Variants in IL1RAPL2 observed in about 807,000 individuals in gnomAD.
IL1RAPL2 encodes X-linked interleukin-1 receptor accessory protein-like 2.
A neutral mutation model predicts 44.1 loss-of-function variants in IL1RAPL2; 3 were observed. The observed-to-expected ratio is 0.07, with a 90% CI of 0.03 to 0.18. IL1RAPL2 has a LOEUF of 0.18. Ranked by LOEUF, IL1RAPL2 falls within the 10% of genes least tolerant of loss-of-function variation. The pLI is 1.00. For synonymous variants in IL1RAPL2, 181 were observed against 178.8 expected (o/e 1.01, Z -0.10); for missense variants, 391 against 496.4 (o/e 0.79, Z 2.02).
chrX:104,935,974 T>TG (rs1389378710), intron 2 of IL1RAPL2, among the ~76,000 whole-genome samples: 12 of 112,148 alleles, frequency 1.1e-4, no homozygotes. Context: ...TTGCTCTTAC[T>TG]GGGGCAACGT....
chrX:104,832,985 GAA>G lies in IL1RAPL2; in HGVS notation c.82+173991_82+173992del, dbSNP rs199840191. 8.2e-3 allele frequency among the ~76,000 whole-genome samples: 917 copies of G among 111,749 alleles called. 11 individuals carry two copies. Among genetic ancestry groups the G allele is most frequent in the African/African-American group, 0.028 (858 of 30,780 alleles). On this transcript the variant is annotated intron_variant, in intron 2 of 10. Coordinates refer to ENST00000372582, the MANE Select transcript of IL1RAPL2 (RefSeq NM_017416.2). ...TTAATATATAAAATGAAAATTATAA[GAA>G]TGATAATTTGTGTAGAAAATATACA...
At chrX:105,011,229 G>C (rs1316249927) in intron 2 of IL1RAPL2, among the ~76,000 whole-genome samples, 1 of 110,102 alleles carries the variant, frequency 9.1e-6, no homozygotes, top group African/African-American at 3.4e-5. Flanking sequence ...TGTATTAAAT[G>C]TTAATAAATG....
At chrX:105,433,560 A>G (rs927125837) in intron 5 of IL1RAPL2, among the ~76,000 whole-genome samples, 1 of 111,499 alleles carries the variant, frequency 9.0e-6, no homozygotes, top group Non-Finnish European at 1.9e-5. Context: ...TTGACTTGCA[A>G]CTACCCTATT....
At chrX:105,713,250 C>A (rs2147550163) in intron 6 of IL1RAPL2, among the ~76,000 whole-genome samples, 1 of 111,587 alleles carries the variant, frequency 9.0e-6, no homozygotes, top group African/African-American at 3.3e-5. Context: ...GGGCTCTGAC[C>A]CCACATTTCC....
At chrX:104,739,775 A>C (rs1413926077) in intron 2 of IL1RAPL2, among the ~76,000 whole-genome samples, 2 of 112,050 alleles carry the variant, frequency 1.8e-5, no homozygotes, top group African/African-American at 6.5e-5. Context: ...ATAGTCATAT[A>C]TTTAATAATC....
chrX:105,682,091 C>G (rs1441733911), intron 6 of IL1RAPL2, among the ~76,000 whole-genome samples: 2 of 111,522 alleles, frequency 1.8e-5, no homozygotes, highest in Non-Finnish European at 3.8e-5. Context: ...TTTTCTTTGA[C>G]ATGCAATACA....
chrX:104,677,763 G>T (rs1248514041), intron 2 of IL1RAPL2, among the ~76,000 whole-genome samples: 1 of 112,030 alleles, frequency 8.9e-6, no homozygotes, highest in African/African-American at 3.2e-5. Flanking sequence ...CGTGGGGTAG[G>T]ACCCTCCATG....
At chrX:105,471,870 CT>C (rs2036167904) in intron 5 of IL1RAPL2, among the ~76,000 whole-genome samples, 1 of 111,825 alleles carries the variant, frequency 8.9e-6, no homozygotes, top group Non-Finnish European at 1.9e-5. Flanking sequence ...CACAAATGAC[CT>C]GACCACTTTT....
intron 2 of IL1RAPL2, among the ~76,000 whole-genome samples, chrX:104,842,136 G>A (rs745505380): frequency 2.8e-5 from 3 of 108,928 alleles, no homozygotes; most frequent in Admixed American, 9.9e-5. Flanking sequence ...TTTCAGCAAG[G>A]TGGTCTTCAA....
rs779949527 is a variant in IL1RAPL2, at chrX:105,255,088, T to G, written c.544-12300T>G. ...ATTTCAAGTCCTGTGAAGAATATCA[T>G]TGGTAATTTGATAGGAATAGCATTG... is the stretch of plus-strand genomic sequence containing the variant. On this transcript the variant is annotated intron_variant, in intron 4 of 10. Transcript: ENST00000372582. Among the ~76,000 whole-genome samples the G allele has an allele frequency of 2.7e-5, 3 of 111,881 alleles. No individual in the cohort carries two copies. The South Asian group carries it at 1.1e-3, about 41-fold the overall frequency.
intron 1 of IL1RAPL2, among the ~76,000 whole-genome samples, chrX:104,635,067 G>C (rs1196726313): frequency 3.3e-4 from 37 of 110,939 alleles, no homozygotes; most frequent in African/African-American, 1.2e-3. Context: ...GCATTTGCTT[G>C]TCTGTAAAGG....
intron 5 of IL1RAPL2, among the ~76,000 whole-genome samples, chrX:105,465,483 A>G (rs897753884): frequency 1.8e-5 from 2 of 111,578 alleles, no homozygotes; most frequent in African/African-American, 6.5e-5. Context: ...TTGTTGATTT[A>G]TTTTCCTCTG....
chrX:105,328,340 T>C (rs986333478), intron 5 of IL1RAPL2, among the ~76,000 whole-genome samples: 12 of 111,857 alleles, frequency 1.1e-4, no homozygotes, highest in African/African-American at 2.6e-4. Flanking sequence ...AATTATGCTT[T>C]GCTTTGTATG....
intron 2 of IL1RAPL2, among the ~76,000 whole-genome samples, chrX:104,983,533 T>G (rs1452440443): frequency 1.1e-5 from 1 of 93,499 alleles, no homozygotes; most frequent in African/African-American, 3.9e-5. Flanking sequence ...ATACATAATA[T>G]TATATAATAT....
At position 104,840,817 on chromosome X, in the gene IL1RAPL2, G is replaced by A. The variant is rs192920021; in HGVS notation, c.82+181822G>A. Among the ~76,000 whole-genome samples, 29 of 109,724 alleles carry A rather than the reference G, an allele frequency of 2.6e-4. No individual in the cohort carries two copies. The South Asian group carries it at 6.8e-3, about 26-fold the overall frequency. Reference sequence around the variant, plus strand: ...AGCCTCCCGAGTAGCTGGGATTACCGGCACATGCTACCACACCCAGTTATT... The same window carrying A: ...AGCCTCCCGAGTAGCTGGGATTACCAGCACATGCTACCACACCCAGTTATT... On this transcript the variant is annotated intron_variant, in intron 2 of 10. Coordinates refer to ENST00000372582, the MANE Select transcript of IL1RAPL2 (RefSeq NM_017416.2).
At chrX:104,703,712 C>T (rs1239155015) in intron 2 of IL1RAPL2, among the ~76,000 whole-genome samples, 1 of 112,260 alleles carries the variant, frequency 8.9e-6, no homozygotes, top group Non-Finnish European at 1.9e-5. Context: ...ATCACTTAAT[C>T]CTCACAAACT....
At chrX:104,955,621 C>T (rs1322591819) in intron 2 of IL1RAPL2, among the ~76,000 whole-genome samples, 1 of 109,236 alleles carries the variant, frequency 9.2e-6, no homozygotes, top group Admixed American at 1.0e-4. Context: ...AATCGTTTAA[C>T]TTTCTAAAAG....
chrX:104,582,676 C>CTATT (rs1928403007), intron 1 of IL1RAPL2, among the ~76,000 whole-genome samples: 1 of 67,708 alleles, frequency 1.5e-5, no homozygotes, highest in Non-Finnish European at 2.7e-5. Context: ...TTTTTTCTTT[C>CTATT]TCTTTCTTTC....
intron 6 of IL1RAPL2, among the ~76,000 whole-genome samples, chrX:105,649,996 G>A (rs747322020): frequency 1.8e-5 from 2 of 111,151 alleles, no homozygotes; most frequent in Non-Finnish European, 3.8e-5. Flanking sequence ...CCAGCATTCC[G>A]AGTACAGCAG....
Sources: allele counts gnomAD v4.1 joint callset (sites outside exome capture counted in the v4.1 genomes callset), GRCh38; gene constraint gnomAD v4.1.1; transcripts MANE v1.5; gene names NCBI Gene and HGNC (gene_info 2026-07-23, HGNC 2026-07-21).